TMEM51: variants seen among roughly 807,000 people sequenced by gnomAD.
TMEM51 encodes chromosome 1 open reading frame 72.
In TMEM51, 8 loss-of-function variants were observed where a neutral mutation model predicts 13.6. The observed-to-expected ratio is 0.59, with a 90% CI of 0.35 to 1.07. The LOEUF (loss-of-function observed/expected upper bound fraction) is 1.07. Among genes scored for constraint, TMEM51 ranks in the 50% least tolerant of loss-of-function variants. TMEM51 has a pLI of 0.02. For missense variants in TMEM51, 279 were observed against 330.7 expected, an observed-to-expected ratio of 0.84 and a Z score of 1.21; for synonymous variants, 147 against 144.4, an observed-to-expected ratio of 1.02 and a Z score of -0.13.
At chr1:15,196,785 C>G (rs1218338024) in intron 1 of TMEM51, among the ~76,000 whole-genome samples, 2 of 152,222 alleles carry the variant, frequency 1.3e-5, no homozygotes, top group Non-Finnish European at 2.9e-5. Flanking sequence ...GTGCATTAAA[C>G]AACAGTGACA....
chr1:15,152,665 C>T (rs1201741133), upstream of TMEM51: 1 of 152,254 alleles, frequency 6.6e-6, no homozygotes, highest in African/African-American at 2.4e-5. Flanking sequence ...CTGGCTCTTC[C>T]CTCTGTGTTT....
intron 1 of TMEM51, among the ~76,000 whole-genome samples, chr1:15,183,055 G>A (rs1245079623): frequency 6.6e-6 from 1 of 152,146 alleles, no homozygotes; most frequent in Non-Finnish European, 1.5e-5. Context: ...GAGCCACCAC[G>A]CCCAGCCAAT....
chr1:15,179,080 TC>T (rs1322939672), intron 1 of TMEM51, among the ~76,000 whole-genome samples: 1 of 152,140 alleles, frequency 6.6e-6, no homozygotes, highest in African/African-American at 2.4e-5. Context: ...TCTTGTAACC[TC>T]CAGGGGCTTG....
intron 1 of TMEM51, among the ~76,000 whole-genome samples, chr1:15,202,607 T>C (rs1644177166): frequency 6.6e-6 from 1 of 152,110 alleles, no homozygotes; most frequent in Admixed American, 6.5e-5. Context: ...TCCTCCTGCT[T>C]CCATGATTCC....
At chr1:15,167,896 T>C (rs900669498) in intron 1 of TMEM51, among the ~76,000 whole-genome samples, 1 of 152,192 alleles carries the variant, frequency 6.6e-6, no homozygotes, top group Non-Finnish European at 1.5e-5. Context: ...CTTAAATAAC[T>C]TTTTCATTAA....
Position 15,158,243 on chromosome 1 carries a change from TGTGCAAA to T in TMEM51, c.-267+4298_-267+4304del, listed in dbSNP as rs761466181. 3.3e-5 allele frequency among the ~76,000 whole-genome samples: 5 copies of T among 152,334 alleles called. No homozygotes were observed. The South Asian group carries it at 1.0e-3, about 32-fold the overall frequency. ...TCCCTTGGCCAAAACCCTGTGACGC[TGTGCAAA>T]GTGCAAAGACGTTTCCAATTCACCA... On this transcript the variant is annotated intron_variant, in intron 1 of 3. Coordinates refer to ENST00000376008, the MANE Select transcript of TMEM51 (RefSeq NM_001136218.2).
intron 1 of TMEM51, among the ~76,000 whole-genome samples, chr1:15,167,001 C>A (rs1004624193): frequency 6.6e-6 from 1 of 152,080 alleles, no homozygotes; most frequent in African/African-American, 2.4e-5. Context: ...CAGTATGGTG[C>A]CTTTGGAGTC....
chr1:15,176,245 G>A (rs1023049475), intron 1 of TMEM51, among the ~76,000 whole-genome samples: 1 of 152,214 alleles, frequency 6.6e-6, no homozygotes, highest in Non-Finnish European at 1.5e-5. Context: ...CCTATGCCCA[G>A]TGTTAGAGGA....
chr1:15,181,443 C>T (rs1258893506), intron 1 of TMEM51, among the ~76,000 whole-genome samples: 2 of 152,182 alleles, frequency 1.3e-5, no homozygotes, highest in African/African-American at 4.8e-5. Flanking sequence ...TTTTGAACTA[C>T]ATCCAGGGAC....
Position 15,196,653 on chromosome 1 carries a change from C to T in TMEM51, c.-266-13837C>T, listed in dbSNP as rs548680933. On this transcript the variant is annotated intron_variant, in intron 1 of 3. Coordinates refer to ENST00000376008, the MANE Select transcript of TMEM51 (RefSeq NM_001136218.2). ...ACAGGCATGAACTATTGTACCCAGC[C>T]CTTTAATTTTATTGAATTAAGTGCT... is the stretch of plus-strand genomic sequence containing the variant. Among the ~76,000 whole-genome samples, 29 of 152,296 alleles carry T rather than the reference C, an allele frequency of 1.9e-4. No individual in the cohort carries two copies. The South Asian group carries it at 5.6e-3, about 29-fold the overall frequency.
intron 1 of TMEM51, among the ~76,000 whole-genome samples, chr1:15,165,137 A>C (rs1014040789): frequency 1.6e-4 from 25 of 152,116 alleles, no homozygotes; most frequent in African/African-American, 6.0e-4. Context: ...TGAATGCCCT[A>C]GTTGAGAAAT....
At chr1:15,165,434 TGTTTTAAAA>T (rs1368533248) in intron 1 of TMEM51, among the ~76,000 whole-genome samples, 1 of 152,220 alleles carries the variant, frequency 6.6e-6, no homozygotes, top group Non-Finnish European at 1.5e-5. Context: ...AAATCTAAAA[TGTTTTAAAA>T]GTTTTAAAAT....
intron 1 of TMEM51, among the ~76,000 whole-genome samples, chr1:15,167,277 A>C (rs995299720): frequency 7.4e-6 from 1 of 135,830 alleles, no homozygotes; most frequent in Middle Eastern, 3.8e-3. Flanking sequence ...CAGTGAGCCG[A>C]GATGACGCCA....
intron 3 of TMEM51, among the ~76,000 whole-genome samples, chr1:15,216,789 T>C (rs1205247388): frequency 6.6e-6 from 1 of 152,206 alleles, no homozygotes; most frequent in Non-Finnish European, 1.5e-5. Context: ...TCTATATTTG[T>C]TAATGTGGGA....
chr1:15,191,595 A>G (rs1643922163), intron 1 of TMEM51, among the ~76,000 whole-genome samples: 1 of 152,198 alleles, frequency 6.6e-6, no homozygotes. Flanking sequence ...AGTTTCCTTC[A>G]TCTGCCCAAA....
At chr1:15,173,226 T>C (rs899385725) in intron 1 of TMEM51, among the ~76,000 whole-genome samples, 1 of 148,838 alleles carries the variant, frequency 6.7e-6, no homozygotes, top group Non-Finnish European at 1.5e-5. Context: ...TTTTTTTTTT[T>C]TTTTTTTTTT....
intron 1 of TMEM51, among the ~76,000 whole-genome samples, chr1:15,186,300 GC>G (rs1287479227): frequency 6.6e-6 from 1 of 152,254 alleles, no homozygotes; most frequent in East Asian, 1.9e-4. Flanking sequence ...CAAAATGGCA[GC>G]AGTGTGCTGG....
At position 15,215,272 on chromosome 1, in the gene TMEM51, C is replaced by CT; in HGVS notation, c.185_186insT (p.Phe63LeufsTer26). On this transcript the variant is annotated frameshift_variant, in exon 3 of 4. Coordinates refer to ENST00000376008, the MANE Select transcript of TMEM51 (RefSeq NM_001136218.2). LOFTEE classifies it high-confidence loss of function. ...GGTGGCGGCATCCTCAAGAGCAAGACCTTCTCTGTGGCCTACGTGCTGGTC... is the reference window on the plus strand; with the variant it reads ...GGTGGCGGCATCCTCAAGAGCAAGACTCTTCTCTGTGGCCTACGTGCTGGTC... 1 of 1,614,250 alleles carries CT rather than the reference C, an allele frequency of 6.2e-7. No individual in the cohort carries two copies. The highest frequency in any genetic ancestry group is 8.5e-7 in the Non-Finnish European group (1 of 1,180,042).
chr1:15,175,032 T>G (rs914937486), intron 1 of TMEM51, among the ~76,000 whole-genome samples: 3 of 152,202 alleles, frequency 2.0e-5, no homozygotes, highest in Non-Finnish European at 4.4e-5. Flanking sequence ...ACTAAAATCC[T>G]CTGTCCCCTT....
Sources: gnomAD v4.1 joint callset for allele counts (sites outside exome capture counted in the v4.1 genomes callset) on GRCh38, gnomAD v4.1.1 for gene constraint, MANE v1.5 for transcripts, NCBI Gene and HGNC (gene_info 2026-07-23, HGNC 2026-07-21) for gene names.